Variants in COL4A3 observed in about 807,000 individuals in gnomAD.
COL4A3 encodes collagen alpha-3(IV) chain.
In COL4A3, 135 loss-of-function variants were observed where a neutral mutation model predicts 217.4. That is an observed-to-expected ratio of 0.62 (90% CI 0.54 to 0.72). The LOEUF (loss-of-function observed/expected upper bound fraction) is 0.72, where lower values mean the gene tolerates loss of function less well. COL4A3 is among the 30% of genes least tolerant of loss of function. The pLI is 0.00. For synonymous variants in COL4A3, 690 were observed against 736.3 expected (o/e 0.94, Z 1.02); for missense variants, 1,868 against 2,119.9 (o/e 0.88, Z 2.33).
rs56065709 is a variant in COL4A3 at position 227,302,677 on chromosome 2, C to CAAAAAAAAA, written c.3883-340_3883-332dup. ...GGAGGACAAAACGAGACTCTTTCTC[C>CAAAAAAAAA]AAAAAAAAAAAAAAAAAAAAAAAAA... is the stretch of plus-strand genomic sequence containing the variant. On this transcript the variant is annotated intron_variant, in intron 43 of 51. Transcript: ENST00000396578. 1.3e-3 allele frequency among the ~76,000 whole-genome samples: 100 copies of CAAAAAAAAA among 79,890 alleles called. 13 individuals carry two copies. The highest frequency in any genetic ancestry group is 2.5e-3 in the East Asian group (6 of 2,374). The allele number at this position is 79,890 out of a possible 152,430, so 52.4% of individuals were successfully genotyped here. A position where few individuals can be genotyped will look rare whatever the true frequency, so the allele number is the denominator to read the frequency against.
At chr2:227,304,182 G>A (rs768908455) in intron 46 of COL4A3, 38 bp downstream of exon 46, 1 of 1,612,506 alleles carries the variant, frequency 6.2e-7, no homozygotes, top group African/African-American at 1.3e-5. Context: ...TCACTAGGAA[G>A]TGGTTGAACC....
intron 1 of COL4A3, among the ~76,000 whole-genome samples, chr2:227,195,665 A>ATGTGTG (rs769877364): frequency 0.044 from 5,626 of 128,748 alleles, 172 homozygotes; most frequent in East Asian, 0.087. Flanking sequence ...ATATATATAT[A>ATGTGTG]TATGTGTGTG....
intron 34 of COL4A3, 109 bp from the exon 35 acceptor site, chr2:227,289,040 TC>T: frequency 1.3e-6 from 1 of 749,588 alleles, no homozygotes; most frequent in Non-Finnish European, 2.3e-6. Flanking sequence ...AACCTCTGTC[TC>T]CCAGGTTCAA....
chr2:227,300,786 C>T (rs529659664), intron 43 of COL4A3, among the ~76,000 whole-genome samples: 2 of 152,224 alleles, frequency 1.3e-5, no homozygotes, highest in South Asian at 4.1e-4. Context: ...TTAATCCAGA[C>T]TGTAGAGGGA....
intron 37 of COL4A3, 79 bp from the exon 38 acceptor site, chr2:227,293,111 TA>T (rs1231453450): frequency 1.9e-6 from 3 of 1,577,732 alleles, no homozygotes; most frequent in African/African-American, 1.4e-5. Context: ...ATGAAAAAAT[TA>T]GTGAATAAAG....
chr2:227,286,229 C>T (rs770598619), intron 34 of COL4A3, among the ~76,000 whole-genome samples: 13 of 151,964 alleles, frequency 8.6e-5, no homozygotes, highest in Non-Finnish European at 1.6e-4. Flanking sequence ...CAGTGGCTCA[C>T]GGCTGTAATC....
chr2:227,242,940 A>G (rs1196502139), intron 3 of COL4A3, among the ~76,000 whole-genome samples: 1 of 152,134 alleles, frequency 6.6e-6, no homozygotes, highest in Non-Finnish European at 1.5e-5. Flanking sequence ...TAATTTTGAA[A>G]AAGTCATCCA....
chr2:227,191,284 A>AT lies in COL4A3; in HGVS notation c.87+26481dup, dbSNP rs201031218. ...TCCTCGTACACATTCCCAGAAATGG[A>AT]TTTTTTTTTTGTAAAGGACGCAAAA... On this transcript the variant is annotated intron_variant, in intron 1 of 51. Transcript: ENST00000396578. The surrounding 1 kb of genome is among the most constrained non-coding windows in gnomAD (Gnocchi z 6.8). 7.5e-3 allele frequency among the ~76,000 whole-genome samples: 1,122 copies of AT among 150,140 alleles called. 14 individuals are homozygous for AT. The highest frequency in any genetic ancestry group is 0.041 in the East Asian group (212 of 5,112).
intron 1 of COL4A3, among the ~76,000 whole-genome samples, chr2:227,205,014 T>G (rs1047227177): frequency 6.6e-6 from 1 of 152,184 alleles, no homozygotes; most frequent in African/African-American, 2.4e-5. Flanking sequence ...AATGGGTAAG[T>G]GAAAATTATG....
rs1280945380 is a variant in COL4A3 at position 227,314,147 on chromosome 2, C to T, written c.*2277C>T. The stretch of plus-strand genomic sequence containing the variant: ...GTGACTCTAAGGTTATCTACTTTTA[C>T]TCATAAGTAAAAGCCCTAGACTGGT... On this transcript the variant is annotated 3_prime_UTR_variant, in exon 52 of 52. Coordinates refer to ENST00000396578, the MANE Select transcript of COL4A3 (RefSeq NM_000091.5). The T allele has an allele frequency of 6.6e-6, 1 of 152,634 alleles. No homozygotes were observed. Among genetic ancestry groups the T allele is most frequent in the Admixed American group, 6.5e-5 (1 of 15,286 alleles). The allele number at this position is 152,634 out of a possible 1,614,324, so 9.5% of individuals were successfully genotyped here.
At position 227,280,553 on chromosome 2, in the gene COL4A3, TG is replaced by T; in HGVS notation, c.2339del (p.Gly780GlufsTer31). On this transcript the variant is annotated frameshift_variant, in exon 30 of 52. Coordinates refer to ENST00000396578, the MANE Select transcript of COL4A3 (RefSeq NM_000091.5). LOFTEE classifies it high-confidence loss of function. The stretch of plus-strand genomic sequence containing the variant: ...GACTCCCTGGACTTCCAGGTCTCCC[TG>T]GAACTCCAGGAAATGAAGGGCTTGA... ...IGLPGLPGLP[G>X]TPGNEGLDGP... is the part of the protein sequence containing the mutation. 1 of 1,614,122 alleles carries T rather than the reference TG, an allele frequency of 6.2e-7. No homozygotes were observed. Among genetic ancestry groups the T allele is most frequent in the Non-Finnish European group, 8.5e-7 (1 of 1,180,006 alleles).
At chr2:227,251,879 G>A (rs182692008) in intron 11 of COL4A3, among the ~76,000 whole-genome samples, 2 of 152,072 alleles carry the variant, frequency 1.3e-5, no homozygotes, top group East Asian at 2.0e-4. Flanking sequence ...GGCCAGCCTG[G>A]CCAATGTGAT....
At chr2:227,252,898 T>C (rs1411170257) in intron 11 of COL4A3, among the ~76,000 whole-genome samples, 5 of 152,340 alleles carry the variant, frequency 3.3e-5, no homozygotes, top group Admixed American at 3.3e-4. Context: ...CTATTAAGTA[T>C]TGAATTTCAG....
At chr2:227,267,174 G>A in intron 23 of COL4A3, 86 bp downstream of exon 23, 1 of 938,230 alleles carries the variant, frequency 1.1e-6, no homozygotes, top group Non-Finnish European at 1.7e-6. Context: ...ATTGGTGGAT[G>A]TCACAACGTG....
At chr2:227,277,626 T>A in intron 28 of COL4A3, 73 bp downstream of exon 28, 3 of 834,030 alleles carry the variant, frequency 3.6e-6, no homozygotes, top group Non-Finnish European at 6.0e-6. Context: ...ATAAATAAAA[T>A]GAGTAAAATA....
At position 227,186,891 on chromosome 2, in the gene COL4A3, G is replaced by A. The variant is rs983576147; in HGVS notation, c.87+22078G>A. On this transcript the variant is annotated intron_variant, in intron 1 of 51. Coordinates refer to ENST00000396578, the MANE Select transcript of COL4A3 (RefSeq NM_000091.5). ...GGCACTGGCAGATTTGGTGTCTGGTGAGGGCCTGTTTCCTGGTTCATAGAT... is the reference window on the plus strand; with the variant it reads ...GGCACTGGCAGATTTGGTGTCTGGTAAGGGCCTGTTTCCTGGTTCATAGAT... Among the ~76,000 whole-genome samples the A allele has an allele frequency of 4.6e-5, 7 of 151,786 alleles. 1 individual carries two copies. Among genetic ancestry groups the A allele is most frequent in the African/African-American group, 1.7e-4 (7 of 41,412 alleles).
chr2:227,193,188 G>C (rs934417211), intron 1 of COL4A3, among the ~76,000 whole-genome samples: 1 of 152,026 alleles, frequency 6.6e-6, no homozygotes, highest in African/African-American at 2.4e-5. Flanking sequence ...TATAAAAATG[G>C]ACCATAATTT....
At chr2:227,251,651 C>G (rs1278820146) in intron 11 of COL4A3, among the ~76,000 whole-genome samples, 1 of 152,208 alleles carries the variant, frequency 6.6e-6, no homozygotes, top group Admixed American at 6.5e-5. Context: ...TTCTGATCAT[C>G]TCACACAGCA....
intron 1 of COL4A3, among the ~76,000 whole-genome samples, chr2:227,195,404 G>A (rs1427502679): frequency 4.6e-5 from 7 of 152,036 alleles, no homozygotes; most frequent in African/African-American, 7.2e-5. Flanking sequence ...TACAATGGTG[G>A]CCCATAAGAT....
Sources: gnomAD v4.1 joint callset for allele counts (sites outside exome capture counted in the v4.1 genomes callset) on GRCh38, gnomAD v4.1.1 for gene constraint, Gnocchi (gnomAD v3.1) non-coding constraint, MANE v1.5 for transcripts, NCBI Gene and HGNC (gene_info 2026-07-23, HGNC 2026-07-21) for gene names.